Variants in RXFP1 observed in about 807,000 individuals in gnomAD.
The protein encoded by RXFP1 is relaxin receptor 1.
Under a neutral mutation model 89.8 loss-of-function variants are expected in RXFP1, and 73 were observed. The ratio of observed to expected loss-of-function variants is 0.81; its 90% CI spans 0.67 to 0.99. The LOEUF (loss-of-function observed/expected upper bound fraction) is 0.99. Ranked by LOEUF, RXFP1 falls within the 50% of genes least tolerant of loss-of-function variation. The pLI, the probability that RXFP1 is intolerant of heterozygous loss-of-function variation, is 0.00. For synonymous variants in RXFP1, 277 were observed against 305.5 expected (o/e 0.91, Z 0.97); for missense variants, 793 against 895.5 (o/e 0.89, Z 1.46).
intron 9 of RXFP1, among the ~76,000 whole-genome samples, chr4:158,618,110 A>G (rs1764944255): frequency 6.6e-6 from 1 of 152,132 alleles, no homozygotes; most frequent in Non-Finnish European, 1.5e-5. Flanking sequence ...GTATGACAGT[A>G]TAATACTGTA....
At chr4:158,592,330 C>G (rs1396575227) in intron 2 of RXFP1, among the ~76,000 whole-genome samples, 2 of 152,090 alleles carry the variant, frequency 1.3e-5, no homozygotes, top group African/African-American at 2.4e-5. Context: ...TCCCAGCACT[C>G]TGGGGGGCCG....
chr4:158,594,468 G>C (rs967764639), intron 3 of RXFP1, among the ~76,000 whole-genome samples: 10 of 151,838 alleles, frequency 6.6e-5, no homozygotes, highest in African/African-American at 2.4e-4. Flanking sequence ...TAAGCACTAT[G>C]ACAATGACTA....
At chr4:158,616,753 C>A (rs892578301) in intron 8 of RXFP1, among the ~76,000 whole-genome samples, 13 of 151,078 alleles carry the variant, frequency 8.6e-5, no homozygotes, top group African/African-American at 2.7e-4. Context: ...AATCCCAGCA[C>A]TTTGGGAGTC....
At chr4:158,617,622 A>G (rs2150150487) in intron 9 of RXFP1, among the ~76,000 whole-genome samples, 1 of 151,838 alleles carries the variant, frequency 6.6e-6, no homozygotes, top group South Asian at 2.1e-4. Flanking sequence ...TTTTTCAAAA[A>G]CTAATCATGA....
chr4:158,558,206 G>T (rs1751717225), intron 1 of RXFP1, among the ~76,000 whole-genome samples: 2 of 152,298 alleles, frequency 1.3e-5, no homozygotes, highest in South Asian at 4.1e-4. Flanking sequence ...TTATTCAAAT[G>T]AAGCCATCAC....
intron 14 of RXFP1, among the ~76,000 whole-genome samples, chr4:158,641,707 C>G (rs1258949819): frequency 2.6e-5 from 4 of 152,058 alleles, no homozygotes; most frequent in Non-Finnish European, 4.4e-5. Context: ...CACTAAAGAT[C>G]GTTTATATTT....
At chr4:158,568,557 T>C (rs1754323555) in intron 1 of RXFP1, among the ~76,000 whole-genome samples, 1 of 152,264 alleles carries the variant, frequency 6.6e-6, no homozygotes, top group Admixed American at 6.5e-5. Context: ...ATTGGTTTAT[T>C]TGTATGCTTG....
intron 10 of RXFP1, among the ~76,000 whole-genome samples, chr4:158,627,639 G>T (rs1767165208): frequency 1.3e-5 from 2 of 151,754 alleles, no homozygotes; most frequent in Non-Finnish European, 2.9e-5. Flanking sequence ...CAGGACCCCT[G>T]TATATAGGCG....
chr4:158,640,179 TAGG>T (rs1342523142), intron 14 of RXFP1, among the ~76,000 whole-genome samples: 2 of 152,192 alleles, frequency 1.3e-5, no homozygotes, highest in African/African-American at 4.8e-5. Flanking sequence ...TAGAATCTCA[TAGG>T]AGATTTTTTG....
chr4:158,620,293 G>A (rs1448846912), intron 9 of RXFP1, among the ~76,000 whole-genome samples: 1 of 151,998 alleles, frequency 6.6e-6, no homozygotes, highest in African/African-American at 2.4e-5. Flanking sequence ...CAAAAATAAA[G>A]GCAAAACAGA....
chr4:158,547,124 A>G (rs1308846025), intron 1 of RXFP1, among the ~76,000 whole-genome samples: 1 of 152,076 alleles, frequency 6.6e-6, no homozygotes, highest in Non-Finnish European at 1.5e-5. Flanking sequence ...CCACAATTTC[A>G]AAGTCTGTTA....
chr4:158,598,191 C>T (rs761979930), intron 3 of RXFP1, among the ~76,000 whole-genome samples: 4 of 152,204 alleles, frequency 2.6e-5, no homozygotes, highest in Admixed American at 6.5e-5. Flanking sequence ...CTCTCATAGA[C>T]GGTTTTGTTT....
chr4:158,607,949 CT>C (rs753125105), intron 5 of RXFP1, 22 bp from the exon 6 acceptor site: 82 of 1,474,192 alleles, frequency 5.6e-5, no homozygotes, highest in Admixed American at 6.2e-5. Flanking sequence ...ATTTTTTTTT[CT>C]TTTTAATAAT....
At chr4:158,544,035 C>A in intron 1 of RXFP1, 7 of 985,126 alleles carry the variant, frequency 7.1e-6, no homozygotes, top group Non-Finnish European at 7.2e-6. Flanking sequence ...CCCATGAGAT[C>A]GGATCAATTC....
intron 2 of RXFP1, among the ~76,000 whole-genome samples, chr4:158,589,513 A>G (rs1758985415): frequency 2.0e-5 from 3 of 152,154 alleles, no homozygotes; most frequent in Admixed American, 6.5e-5. Flanking sequence ...TTGAGAAGCA[A>G]AGAAGCCTGG....
intron 15 of RXFP1, among the ~76,000 whole-genome samples, chr4:158,645,699 G>A (rs1771397282): frequency 6.6e-6 from 1 of 152,100 alleles, no homozygotes; most frequent in Admixed American, 6.5e-5. Context: ...AGAAAAATAA[G>A]GAAGAAACCA....
At chr4:158,634,617 TG>T (rs1480113609) in intron 12 of RXFP1, among the ~76,000 whole-genome samples, 1 of 152,190 alleles carries the variant, frequency 6.6e-6, no homozygotes, top group East Asian at 1.9e-4. Flanking sequence ...TGTCATGTCA[TG>T]AAGCTTTTCC....
chr4:158,599,138 A>C, intron 3 of RXFP1, 188 bp from the exon 4 acceptor site: 2 of 803,472 alleles, frequency 2.5e-6, no homozygotes, highest in Middle Eastern at 2.5e-4. Flanking sequence ...CTCTACCATC[A>C]TTTTAAGGTT....
chr4:158,521,804 G>A, upstream of RXFP1: 1 of 546,764 alleles, frequency 1.8e-6, no homozygotes, highest in Non-Finnish European at 3.2e-6. Flanking sequence ...AAGAAAAAAA[G>A]AGGAATGGAA....
Sources: gnomAD v4.1 joint callset for allele counts (sites outside exome capture counted in the v4.1 genomes callset) on GRCh38, gnomAD v4.1.1 for gene constraint, MANE v1.5 for transcripts, NCBI Gene and HGNC (gene_info 2026-07-23, HGNC 2026-07-21) for gene names.